SCAF4: variants seen among roughly 807,000 people sequenced by gnomAD.
SCAF4 encodes SR-related CTD associated factor 4.
SCAF4 carries 25 observed loss-of-function variants against 129.8 expected under a neutral mutation model. That is an observed-to-expected ratio of 0.19 (90% CI 0.14 to 0.27). SCAF4 has a LOEUF of 0.27. SCAF4 is among the 10% of genes least tolerant of loss of function. SCAF4 has a pLI of 1.00. For synonymous variants in SCAF4, 551 were observed against 497.7 expected, an observed-to-expected ratio of 1.11 and a Z score of -1.43; for missense variants, 1,246 against 1,457.1, an observed-to-expected ratio of 0.86 and a Z score of 2.36.
chr21:31,717,221 T>G (rs914604572), intron 1 of SCAF4, among the ~76,000 whole-genome samples: 3 of 152,208 alleles, frequency 2.0e-5, no homozygotes, highest in African/African-American at 7.2e-5. Context: ...TTTGAACCAG[T>G]AATTCTACTT....
intron 1 of SCAF4, among the ~76,000 whole-genome samples, chr21:31,718,248 T>C (rs954877100): frequency 6.6e-6 from 1 of 151,410 alleles, no homozygotes; most frequent in Non-Finnish European, 1.5e-5. Context: ...GCCAGGCCTA[T>C]ATTTTTTTCA....
chr21:31,690,660 A>G, intron 15 of SCAF4, 137 bp downstream of exon 15: 2 of 677,992 alleles, frequency 2.9e-6, no homozygotes, highest in Admixed American at 2.6e-5. Context: ...CTCAGTTTAT[A>G]ATGGAGATAC....
chr21:31,697,192 TTCC>T (rs1400687087), intron 7 of SCAF4, among the ~76,000 whole-genome samples: 4 of 152,116 alleles, frequency 2.6e-5, no homozygotes, highest in Non-Finnish European at 5.9e-5. Context: ...CATATACTGC[TTCC>T]TCAAGAATAT....
intron 19 of SCAF4, among the ~76,000 whole-genome samples, chr21:31,674,589 C>CACATTAGGTGG (rs2049802517): frequency 1.3e-5 from 2 of 152,224 alleles, no homozygotes; most frequent in East Asian, 3.9e-4. Flanking sequence ...GCTTTTATAA[C>CACATTAGGTGG]CAGTTATATT....
chr21:31,672,450 C>G, intron 19 of SCAF4, 96 bp from the exon 20 acceptor site: 1 of 975,506 alleles, frequency 1.0e-6, no homozygotes, highest in Non-Finnish European at 1.6e-6. Context: ...TAAAATTCAA[C>G]CCACAATCTT....
intron 1 of SCAF4, among the ~76,000 whole-genome samples, chr21:31,717,114 C>A (rs951413776): frequency 1.3e-5 from 2 of 152,040 alleles, no homozygotes; most frequent in African/African-American, 4.8e-5. Flanking sequence ...TAGCATAAAG[C>A]AAAAAGAGTA....
At chr21:31,723,610 ATGTGTGTGTG>A (rs368505231) in intron 1 of SCAF4, among the ~76,000 whole-genome samples, 1 of 149,224 alleles carries the variant, frequency 6.7e-6, no homozygotes, top group Non-Finnish European at 1.5e-5. Context: ...GATTTATATG[ATGTGTGTGTG>A]TGTGTGTGTG....
intron 14 of SCAF4, among the ~76,000 whole-genome samples, chr21:31,691,260 G>A (rs1243739705): frequency 6.6e-6 from 1 of 152,196 alleles, no homozygotes; most frequent in Admixed American, 6.5e-5. Flanking sequence ...TCCCTGAATA[G>A]CCTAGTAGTA....
Position 31,671,698 on chromosome 21 carries a change from T to C in SCAF4, c.3145A>G (p.Arg1049Gly), listed in dbSNP as rs1455353557. The change falls in exon 20 of 20, where the codon AGA becomes GGA. Residue 1049 changes from arginine (R) to glycine (G), a missense_variant. Around this residue, in one of 6 missense-constraint regions of SCAF4, gnomAD observed 339 missense variants for 325.0 expected, o/e 1.04. Coordinates refer to ENST00000286835, the MANE Select transcript of SCAF4 (RefSeq NM_020706.2). ...DRDRHRDLEE[R>G]NRRSSGHRDR... is the part of the protein sequence containing the mutation. The stretch of plus-strand genomic sequence containing the variant: ...CGATGCCCACTAGAGCGTCTATTTC[T>C]CTCTTCCAAGTCTCTGTGCCTGTCC... 22 of 1,613,958 alleles carry C rather than the reference T, an allele frequency of 1.4e-5. No homozygotes were observed.
intron 1 of SCAF4, among the ~76,000 whole-genome samples, chr21:31,708,071 C>G (rs2050710353): frequency 6.6e-6 from 1 of 151,806 alleles, no homozygotes; most frequent in South Asian, 2.1e-4. Context: ...ATAAAACGCT[C>G]ACTAACTGAA....
At chr21:31,720,896 T>C (rs1287293309) in intron 1 of SCAF4, among the ~76,000 whole-genome samples, 1 of 152,216 alleles carries the variant, frequency 6.6e-6, no homozygotes, top group Non-Finnish European at 1.5e-5. Flanking sequence ...GGCCGCTAGA[T>C]AGTTTTCATC....
At chr21:31,730,244 C>T (rs185250590) in intron 1 of SCAF4, among the ~76,000 whole-genome samples, 2 of 152,292 alleles carry the variant, frequency 1.3e-5, no homozygotes, top group African/African-American at 4.8e-5. Context: ...AGCTTCCAAC[C>T]CTGAAATGTT....
intron 15 of SCAF4, among the ~76,000 whole-genome samples, chr21:31,688,674 A>C (rs1444660028): frequency 6.6e-6 from 1 of 152,234 alleles, no homozygotes; most frequent in Non-Finnish European, 1.5e-5. Flanking sequence ...CAAGCACTCT[A>C]TTTATACTAG....
chr21:31,671,924 A>G lies in SCAF4; in HGVS notation c.2919T>C (p.Pro973=). 1 of 1,612,006 alleles carries G rather than the reference A, an allele frequency of 6.2e-7. No homozygotes were observed. Among genetic ancestry groups the G allele is most frequent in the Non-Finnish European group, 8.5e-7 (1 of 1,178,628 alleles). ...GCTGTGGCTGCTGCTGTGTTGGTGG[A>G]GGCTGTTGTGATGGTGGTGGCTGCT... ...QQQQPPPSQQ[P]PPTQQQPQQF... The change falls in exon 20 of 20, where the codon CCT becomes CCC. Residue 973 remains proline, a synonymous_variant. Transcript: ENST00000286835.
Position 31,671,126 on chromosome 21 carries a change from TA to T in SCAF4, c.*272del. On this transcript the variant is annotated 3_prime_UTR_variant, in exon 20 of 20. Coordinates refer to ENST00000286835, the MANE Select transcript of SCAF4 (RefSeq NM_020706.2). Reference sequence around the variant, plus strand: ...CTTAAATTAAAAAAAAAAAAAAAAATAGAGAGCACTTCTAATTACGATTTGT... The same window carrying T: ...CTTAAATTAAAAAAAAAAAAAAAAATGAGAGCACTTCTAATTACGATTTGT... 3.6e-6 allele frequency: 1 copy of T among 277,994 alleles called. No individual in the cohort carries two copies. Among genetic ancestry groups the T allele is most frequent in the Non-Finnish European group, 6.6e-6 (1 of 152,502 alleles). 17.2% of individuals were successfully genotyped at this position (277,994 alleles called of 1,614,324 possible).
At position 31,675,395 on chromosome 21, in the gene SCAF4, C is replaced by T. The variant is rs185493724; in HGVS notation, c.2489-3041G>A. Reference sequence around the variant, plus strand: ...CCTCGAGAGTAGTTAGGCACTTATTCGGAGAATCCAGCAGTGACAGTGATA... The same window carrying T: ...CCTCGAGAGTAGTTAGGCACTTATTTGGAGAATCCAGCAGTGACAGTGATA... On this transcript the variant is annotated intron_variant, in intron 19 of 19. Coordinates refer to ENST00000286835, the MANE Select transcript of SCAF4 (RefSeq NM_020706.2). Among the ~76,000 whole-genome samples the T allele has an allele frequency of 2.0e-4, 30 of 152,178 alleles. 1 individual carries two copies. Among genetic ancestry groups the T allele is most frequent in the Admixed American group, 1.6e-3 (24 of 15,282 alleles).
intron 1 of SCAF4, among the ~76,000 whole-genome samples, chr21:31,711,344 A>C (rs2050794698): frequency 6.6e-6 from 1 of 152,202 alleles, no homozygotes; most frequent in South Asian, 2.1e-4. Flanking sequence ...CAAGACAAAA[A>C]AGTTCCCTGA....
intron 1 of SCAF4, among the ~76,000 whole-genome samples, chr21:31,723,541 A>C (rs2051123420): frequency 1.3e-5 from 2 of 152,200 alleles, no homozygotes; most frequent in Non-Finnish European, 2.9e-5. Context: ...ATCAGTATGC[A>C]GATAAGTTTT....
rs140760968 is a variant in SCAF4, at chr21:31,714,478, G to A, written c.31-8121C>T. ...TCACTAGCAGAATGACTATGAAAAC[G>A]TCTAAATATGACCACTGCCCTGCTG... On this transcript the variant is annotated intron_variant, in intron 1 of 19. Coordinates refer to ENST00000286835, the MANE Select transcript of SCAF4 (RefSeq NM_020706.2). Among the ~76,000 whole-genome samples the A allele has an allele frequency of 1.7e-3, 257 of 152,234 alleles. 3 individuals carry two copies. The highest frequency in any genetic ancestry group is 5.8e-3 in the African/African-American group (240 of 41,540).
Sources: allele counts gnomAD v4.1 joint callset (sites outside exome capture counted in the v4.1 genomes callset), GRCh38; gene constraint gnomAD v4.1.1; regional missense constraint gnomAD v4.1.1; transcripts MANE v1.5; gene names NCBI Gene and HGNC (gene_info 2026-07-23, HGNC 2026-07-21).